CLEC16A: variants seen among roughly 807,000 people sequenced by gnomAD.
The protein encoded by CLEC16A is protein CLEC16A.
CLEC16A carries 51 observed loss-of-function variants against 109.5 expected under a neutral mutation model. That is an observed-to-expected ratio of 0.47 (90% confidence interval 0.37 to 0.59). The LOEUF (loss-of-function observed/expected upper bound fraction) is 0.59, where lower values mean the gene tolerates loss of function less well. Ranked by LOEUF, CLEC16A falls within the 20% of genes least tolerant of loss-of-function variation. The pLI, the probability that CLEC16A is intolerant of heterozygous loss-of-function variation, is 0.00. For missense variants in CLEC16A, 1,339 were observed against 1,394.0 expected (o/e 0.96, Z 0.63); for synonymous variants, 673 against 564.2 (o/e 1.19, Z -2.73).
intron 22 of CLEC16A, among the ~76,000 whole-genome samples, chr16:11,149,264 C>T (rs2054197166): frequency 6.6e-6 from 1 of 152,100 alleles, no homozygotes. Flanking sequence ...ATGGATGGAA[C>T]CGGTCAGCTG....
At chr16:10,985,218 A>AT (rs58768192) in intron 10 of CLEC16A, among the ~76,000 whole-genome samples, 2,992 of 123,640 alleles carry the variant, frequency 0.024, 82 homozygotes, top group African/African-American at 0.081. Flanking sequence ...AAAAAAAAAA[A>AT]AAATATATAT....
rs752056185 is a variant in CLEC16A, at chr16:11,020,197, C to G, written c.1308C>G (p.Ile436Met). 4 of 1,609,936 alleles carry G rather than the reference C, an allele frequency of 2.5e-6. No homozygotes were observed. Among genetic ancestry groups the G allele is most frequent in the Middle Eastern group, 1.7e-4 (1 of 6,040 alleles). Residue 436 changes from isoleucine (I) to methionine (M), a missense_variant, in exon 12 of 24, where the codon ATC becomes ATG. Around this residue, in one of 3 missense-constraint regions of CLEC16A, gnomAD observed 1,061 missense variants for 1,006.8 expected, o/e 1.05. Transcript: ENST00000409790. ...AGTCTCCATTTTGGCTTCCAGAGAT[C>G]GAGATGGTGATCATGGAGCGTAGCA... ...GIKTSGESEE[I>M]EMVIMERSKL...
intron 18 of CLEC16A, among the ~76,000 whole-genome samples, chr16:11,060,561 G>A (rs2048425906): frequency 6.6e-6 from 1 of 152,190 alleles, no homozygotes; most frequent in African/African-American, 2.4e-5. Context: ...GGTCTCAGCT[G>A]CCCGGTCTGT....
intron 19 of CLEC16A, among the ~76,000 whole-genome samples, chr16:11,096,648 T>C (rs2050624533): frequency 2.0e-5 from 3 of 152,340 alleles, no homozygotes; most frequent in Admixed American, 6.5e-5. Context: ...CTGTGCACGC[T>C]GTTCGATAAC....
intron 2 of CLEC16A, among the ~76,000 whole-genome samples, chr16:10,958,186 C>T (rs1475092293): frequency 6.6e-6 from 1 of 152,086 alleles, no homozygotes; most frequent in Non-Finnish European, 1.5e-5. Context: ...GATTATTTTC[C>T]CAAAGGAAGG....
At chr16:11,120,895 G>A in intron 20 of CLEC16A, 129 bp downstream of exon 20, 2 of 996,992 alleles carry the variant, frequency 2.0e-6, no homozygotes, top group Non-Finnish European at 2.6e-6. Flanking sequence ...CAAGGTATAT[G>A]TGAACAAATT....
intron 11 of CLEC16A, among the ~76,000 whole-genome samples, chr16:11,007,788 G>T (rs2045121295): frequency 6.6e-6 from 1 of 152,192 alleles, no homozygotes; most frequent in Non-Finnish European, 1.5e-5. Context: ...GTGAGTATGT[G>T]TGTGAGAGTG....
intron 17 of CLEC16A, 73 bp downstream of exon 17, chr16:11,047,415 A>G: frequency 8.0e-7 from 1 of 1,246,622 alleles, no homozygotes; most frequent in Non-Finnish European, 1.1e-6. Context: ...TGCCCATCCC[A>G]GAGGGAGTTT....
At chr16:10,959,262 A>C (rs1347287969) in intron 2 of CLEC16A, among the ~76,000 whole-genome samples, 3 of 152,216 alleles carry the variant, frequency 2.0e-5, no homozygotes, top group Non-Finnish European at 4.4e-5. Context: ...CAATAAAGCT[A>C]CTTGTGGAAA....
chr16:11,050,855 A>G (rs1041927471), intron 17 of CLEC16A, among the ~76,000 whole-genome samples: 19 of 152,230 alleles, frequency 1.2e-4, no homozygotes, highest in Non-Finnish European at 2.6e-4. Flanking sequence ...CCCAGGTAAG[A>G]TGTGAAGGGG....
At chr16:11,079,337 A>T (rs539294130) in intron 19 of CLEC16A, among the ~76,000 whole-genome samples, 1 of 152,314 alleles carries the variant, frequency 6.6e-6, no homozygotes, top group East Asian at 1.9e-4. Flanking sequence ...CAGCCAGACC[A>T]TGGAGGCTCA....
chr16:10,952,883 A>C (rs1002859403), intron 1 of CLEC16A, among the ~76,000 whole-genome samples: 1 of 152,264 alleles, frequency 6.6e-6, no homozygotes, highest in East Asian at 1.9e-4. Flanking sequence ...TAGATCTGCA[A>C]GATTCCTGTC....
chr16:11,118,583 T>C (rs1165311137), intron 19 of CLEC16A, among the ~76,000 whole-genome samples: 2 of 152,236 alleles, frequency 1.3e-5, no homozygotes, highest in African/African-American at 4.8e-5. Context: ...CCATCACAAC[T>C]GTAAACTGCC....
intron 13 of CLEC16A, among the ~76,000 whole-genome samples, chr16:11,039,021 C>T (rs751774036): frequency 6.6e-6 from 1 of 152,070 alleles, no homozygotes; most frequent in African/African-American, 2.4e-5. Context: ...GTATTTCCTT[C>T]GTGTCTAGTC....
intron 22 of CLEC16A, among the ~76,000 whole-genome samples, chr16:11,128,357 G>T (rs1432630042): frequency 6.6e-6 from 1 of 152,212 alleles, no homozygotes; most frequent in African/African-American, 2.4e-5. Context: ...GTGTGGCCCG[G>T]CTCCAGAACC....
chr16:11,172,933 C>T (rs1219907760), intron 23 of CLEC16A, among the ~76,000 whole-genome samples: 1 of 152,090 alleles, frequency 6.6e-6, no homozygotes, highest in African/African-American at 2.4e-5. Context: ...TGAGTCATGG[C>T]CACCTTGATT....
chr16:11,118,651 A>G (rs948168557), intron 19 of CLEC16A, among the ~76,000 whole-genome samples: 2 of 152,194 alleles, frequency 1.3e-5, no homozygotes, highest in African/African-American at 2.4e-5. Context: ...AGTAAGTTCC[A>G]TTTGTCTATT....
intron 14 of CLEC16A, chr16:11,040,546 A>C: frequency 8.4e-6 from 1 of 118,358 alleles, no homozygotes; most frequent in Non-Finnish European, 1.6e-5. Flanking sequence ...GGAGTCTCGC[A>C]CTGTCACCTG....
intron 11 of CLEC16A, among the ~76,000 whole-genome samples, chr16:11,010,153 TA>T (rs34752850): frequency 0.51 from 71,891 of 141,980 alleles, 18,323 homozygotes; most frequent in African/African-American, 0.68. Context: ...CCTTGTTTCT[TA>T]AAAAAAAAGA....
Sources: allele counts gnomAD v4.1 joint callset (sites outside exome capture counted in the v4.1 genomes callset), GRCh38; gene constraint gnomAD v4.1.1; regional missense constraint gnomAD v4.1.1; transcripts MANE v1.5; gene names NCBI Gene and HGNC (gene_info 2026-07-23, HGNC 2026-07-21).